RNLS: variants seen among roughly 807,000 people sequenced by gnomAD.
RNLS encodes the protein renalase.
RNLS carries 39 observed loss-of-function variants against 39.8 expected under a neutral mutation model. That is an observed-to-expected ratio of 0.98 (90% CI 0.76 to 1.28). RNLS has a LOEUF of 1.28. RNLS is among the 50% of genes most tolerant of loss of function. RNLS has a pLI of 0.00. For missense variants in RNLS, 410 were observed against 413.3 expected (o/e 0.99, Z 0.07); for synonymous variants, 147 against 150.7 (o/e 0.98, Z 0.18).
intron 4 of RNLS, among the ~76,000 whole-genome samples, chr10:88,508,890 T>G (rs1845938072): frequency 6.6e-6 from 1 of 152,112 alleles, no homozygotes; most frequent in African/African-American, 2.4e-5. Context: ...ACTGCCAGTT[T>G]CCTGATTTAC....
At chr10:88,500,087 T>G (rs1273855369) in intron 4 of RNLS, among the ~76,000 whole-genome samples, 1 of 152,152 alleles carries the variant, frequency 6.6e-6, no homozygotes, top group Non-Finnish European at 1.5e-5. Context: ...CTCTAGTTAG[T>G]ACACAATTTT....
At chr10:88,275,474 A>G (rs749772654) in intron 6 of RNLS, among the ~76,000 whole-genome samples, 25 of 152,352 alleles carry the variant, frequency 1.6e-4, no homozygotes, top group Middle Eastern at 3.4e-3. Flanking sequence ...TATTGCAACA[A>G]TGTTGCAACA....
chr10:88,437,548 G>A (rs1841479441), intron 4 of RNLS, among the ~76,000 whole-genome samples: 1 of 152,136 alleles, frequency 6.6e-6, no homozygotes, highest in Admixed American at 6.5e-5. Context: ...CAGGATAATG[G>A]ACTGTGCTAG....
At chr10:88,502,293 G>A (rs917449773) in intron 4 of RNLS, among the ~76,000 whole-genome samples, 23 of 149,692 alleles carry the variant, frequency 1.5e-4, no homozygotes, top group African/African-American at 5.5e-4. Context: ...CTTTAGCAGA[G>A]GTGGGGTAGG....
At chr10:88,452,518 G>C (rs889985227) in intron 4 of RNLS, among the ~76,000 whole-genome samples, 1 of 151,408 alleles carries the variant, frequency 6.6e-6, no homozygotes, top group African/African-American at 2.5e-5. Flanking sequence ...TATGTCCCCA[G>C]TAGGAATAAA....
At chr10:88,216,757 A>G in the RNLS span, among the ~76,000 whole-genome samples, 1 of 152,238 alleles carries the variant, frequency 6.6e-6, no homozygotes, top group Admixed American at 6.5e-5. Context: ...AATCAAAGGA[A>G]TAAACCAACC....
intron 4 of RNLS, among the ~76,000 whole-genome samples, chr10:88,555,361 G>A (rs1015760911): frequency 5.3e-5 from 8 of 152,022 alleles, no homozygotes; most frequent in African/African-American, 1.7e-4. Flanking sequence ...TGTGATCCTC[G>A]GTGTTGAAGG....
At chr10:88,446,636 C>T (rs1173723351) in intron 4 of RNLS, among the ~76,000 whole-genome samples, 1 of 152,108 alleles carries the variant, frequency 6.6e-6, no homozygotes, top group Non-Finnish European at 1.5e-5. Flanking sequence ...GGGGATATCA[C>T]CACCGATCCC....
the RNLS span, among the ~76,000 whole-genome samples, chr10:88,210,091 T>G: frequency 6.6e-6 from 1 of 152,238 alleles, no homozygotes; most frequent in African/African-American, 2.4e-5. Flanking sequence ...GCAGAACAGC[T>G]CTCTTGAATA....
intron 4 of RNLS, among the ~76,000 whole-genome samples, chr10:88,525,619 C>T (rs528610626): frequency 1.3e-5 from 2 of 152,142 alleles, no homozygotes; most frequent in South Asian, 2.1e-4. Flanking sequence ...AGAAGAGATC[C>T]TCATATCTTC....
At chr10:88,242,538 C>G in the RNLS span, among the ~76,000 whole-genome samples, 1 of 152,094 alleles carries the variant, frequency 6.6e-6, no homozygotes. Context: ...AAAAAAAAAT[C>G]TCTGTTTTTT....
intron 4 of RNLS, among the ~76,000 whole-genome samples, chr10:88,478,766 G>A (rs1349718196): frequency 6.6e-6 from 1 of 152,114 alleles, no homozygotes; most frequent in Non-Finnish European, 1.5e-5. Context: ...GGATACTGAA[G>A]CTACTTGTTC....
At chr10:88,368,824 T>A (rs1282234676) in intron 4 of RNLS, among the ~76,000 whole-genome samples, 1 of 152,122 alleles carries the variant, frequency 6.6e-6, no homozygotes, top group African/African-American at 2.4e-5. Context: ...GAAAGTGGAA[T>A]TACTGTTAAA....
chr10:88,269,933 C>G (rs370751942), downstream of RNLS, among the ~76,000 whole-genome samples: 1 of 152,154 alleles, frequency 6.6e-6, no homozygotes, highest in African/African-American at 2.4e-5. Context: ...TTATAACCTC[C>G]GCCTCCTGGG....
chr10:88,428,029 C>G (rs1564791729), intron 4 of RNLS, among the ~76,000 whole-genome samples: 2 of 151,716 alleles, frequency 1.3e-5, no homozygotes, highest in Non-Finnish European at 2.9e-5. Context: ...CTGGACATAC[C>G]TTGAACAATA....
chr10:88,533,134 GTAAA>G (rs1197448542), intron 4 of RNLS, among the ~76,000 whole-genome samples: 6 of 152,118 alleles, frequency 3.9e-5, no homozygotes, highest in African/African-American at 1.4e-4. Flanking sequence ...TTAATTATAA[GTAAA>G]TAAACATGTT....
At chr10:88,544,955 C>A (rs72820082) in intron 4 of RNLS, among the ~76,000 whole-genome samples, 2,915 of 152,054 alleles carry the variant, frequency 0.019, 32 homozygotes, top group Middle Eastern at 0.041. Context: ...AGTGTGTCTA[C>A]CATAAAACCC....
rs146054022 is a variant in RNLS at position 88,535,663 on chromosome 10, C to T, written c.526+37240G>A. 6.9e-3 allele frequency among the ~76,000 whole-genome samples: 1,052 copies of T among 152,104 alleles called. 15 individuals carry two copies. The highest frequency in any genetic ancestry group is 0.024 in the African/African-American group (992 of 41,500). ...ACTGATAAAATAAACAATAATGAGTCCCTACAGCTGAAGTTTGGGTCAGGG... is the reference window on the plus strand; with the variant it reads ...ACTGATAAAATAAACAATAATGAGTTCCTACAGCTGAAGTTTGGGTCAGGG... On this transcript the variant is annotated intron_variant, in intron 4 of 6. Transcript: ENST00000331772.
At chr10:88,566,148 C>T (rs1849492226) in intron 4 of RNLS, among the ~76,000 whole-genome samples, 1 of 151,518 alleles carries the variant, frequency 6.6e-6, no homozygotes, top group Non-Finnish European at 1.5e-5. Flanking sequence ...TGAGCAATAG[C>T]CAATGTTAAT....
Sources: allele counts gnomAD v4.1 joint callset (sites outside exome capture counted in the v4.1 genomes callset), GRCh38; gene constraint gnomAD v4.1.1; transcripts MANE v1.5; gene names NCBI Gene and HGNC (gene_info 2026-07-23, HGNC 2026-07-21).